The following NOX4 variants were observed in gnomAD, a reference collection of about 807,000 sequenced individuals.
NOX4 encodes NADPH oxidase 4, also known as kidney oxidase-1.
Under a neutral mutation model 87.6 loss-of-function variants are expected in NOX4, and 69 were observed. The ratio of observed to expected loss-of-function variants is 0.79; its 90% CI spans 0.65 to 0.96. NOX4 has a LOEUF of 0.96. Among genes scored for constraint, NOX4 ranks in the 40% least tolerant of loss-of-function variants. The pLI, the probability that NOX4 is intolerant of heterozygous loss-of-function variation, is 0.00. For missense variants in NOX4, 680 were observed against 681.5 expected (o/e 1.00, Z 0.02); for synonymous variants, 275 against 238.2 (o/e 1.15, Z -1.42).
intron 6 of NOX4, 45 bp from the exon 7 acceptor site, chr11:89,432,901 G>A (rs1314900784): frequency 3.1e-6 from 4 of 1,293,042 alleles, no homozygotes; most frequent in Non-Finnish European, 4.5e-6. Context: ...ATCATAGTGA[G>A]AAAAAAATAC....
At chr11:89,470,772 C>G (rs1945898442) in intron 2 of NOX4, among the ~76,000 whole-genome samples, 2 of 152,162 alleles carry the variant, frequency 1.3e-5, no homozygotes, top group Non-Finnish European at 1.5e-5. Context: ...ACAGGCCTAA[C>G]TGATGATACC....
chr11:89,430,528 G>A (rs576911394), intron 7 of NOX4, among the ~76,000 whole-genome samples: 4 of 152,176 alleles, frequency 2.6e-5, no homozygotes, highest in East Asian at 3.9e-4. Flanking sequence ...AAATCAATGT[G>A]CAAAAATCAC....
chr11:89,363,010 A>G lies in NOX4; in HGVS notation c.1136-7967T>C, dbSNP rs1007492010. Among the ~76,000 whole-genome samples the G allele has an allele frequency of 2.2e-4, 34 of 152,258 alleles. 1 individual carries two copies. The highest frequency in any genetic ancestry group is 3.3e-4 in the Admixed American group (5 of 15,274). On this transcript the variant is annotated intron_variant, in intron 12 of 17. Coordinates refer to ENST00000263317, the MANE Select transcript of NOX4 (RefSeq NM_016931.5). ...TCATGGGCTAAAGGTCTAGCAGAGAAGAGGTCTAAATAATGTGCTTCTTTC... is the reference window on the plus strand; with the variant it reads ...TCATGGGCTAAAGGTCTAGCAGAGAGGAGGTCTAAATAATGTGCTTCTTTC...
chr11:89,511,661 C>G, the NOX4 span, among the ~76,000 whole-genome samples: 1 of 151,958 alleles, frequency 6.6e-6, no homozygotes, highest in Non-Finnish European at 1.5e-5. Flanking sequence ...CAGATTTGGC[C>G]AACTCTTGAA....
At chr11:89,475,523 A>AT (rs1297049170) in intron 2 of NOX4, among the ~76,000 whole-genome samples, 1 of 152,032 alleles carries the variant, frequency 6.6e-6, no homozygotes, top group African/African-American at 2.4e-5. Context: ...CCTTGAAAAT[A>AT]TTTAATGGCT....
At chr11:89,574,843 T>C in the NOX4 span, among the ~76,000 whole-genome samples, 1 of 152,214 alleles carries the variant, frequency 6.6e-6, no homozygotes, top group African/African-American at 2.4e-5. Context: ...ATGGCTGTGT[T>C]TTAATAATTT....
chr11:89,445,298 C>T (rs1395591258), intron 4 of NOX4, among the ~76,000 whole-genome samples: 2 of 151,874 alleles, frequency 1.3e-5, no homozygotes, highest in African/African-American at 4.8e-5. Flanking sequence ...TTTCCCACAA[C>T]CCATAATGTA....
At chr11:89,537,463 T>C in the NOX4 span, among the ~76,000 whole-genome samples, 1 of 151,796 alleles carries the variant, frequency 6.6e-6, no homozygotes, top group Non-Finnish European at 1.5e-5. Flanking sequence ...CATATAGTTA[T>C]TATACAGTGC....
At chr11:89,492,904 A>G (rs868407504), upstream of NOX4, among the ~76,000 whole-genome samples, 1 of 152,194 alleles carries the variant, frequency 6.6e-6, no homozygotes, top group Non-Finnish European at 1.5e-5. Context: ...ATAAGAGACC[A>G]TTTTTAAAAG....
chr11:89,381,845 A>G (rs903795000), intron 11 of NOX4, among the ~76,000 whole-genome samples: 3 of 152,098 alleles, frequency 2.0e-5, no homozygotes, highest in African/African-American at 7.2e-5. Context: ...ACTCTTCTCC[A>G]GCCTCTCTCA....
chr11:89,488,898 G>T (rs185276597), intron 2 of NOX4: 1 of 652,542 alleles, frequency 1.5e-6, no homozygotes. Context: ...TTATTTATTT[G>T]TTGGTTTTTC....
intron 13 of NOX4, among the ~76,000 whole-genome samples, chr11:89,351,255 C>T (rs1470448010): frequency 6.6e-6 from 1 of 152,164 alleles, no homozygotes; most frequent in Non-Finnish European, 1.5e-5. Context: ...TCTTCTATTC[C>T]ATGAAGGCTG....
the NOX4 span, among the ~76,000 whole-genome samples, chr11:89,503,232 T>G: frequency 1.3e-5 from 2 of 151,930 alleles, no homozygotes; most frequent in Non-Finnish European, 2.9e-5. Context: ...CTGATATTAC[T>G]CCCAAATATC....
At chr11:89,546,657 C>A in the NOX4 span, 1 of 152,230 alleles carries the variant, frequency 6.6e-6, no homozygotes, top group Non-Finnish European at 1.5e-5. Context: ...GCTGGAAAAT[C>A]CAATGTCTAG....
chr11:89,519,608 G>A, the NOX4 span, among the ~76,000 whole-genome samples: 43 of 152,062 alleles, frequency 2.8e-4, no homozygotes, highest in African/African-American at 9.9e-4. Context: ...GGTATTCATC[G>A]GGTAAGAAGA....
rs899300877 is a variant in NOX4, at chr11:89,431,805, G to C, written c.548+979C>G. 5.3e-5 allele frequency among the ~76,000 whole-genome samples: 8 copies of C among 152,100 alleles called. 1 individual carries two copies. The highest frequency in any genetic ancestry group is 1.4e-4 in the African/African-American group (6 of 41,418). ...GAAGACAGTGTGGCGATTCCTCAGG[G>C]ATCTAGAACTAGAAATACCATTTGA... On this transcript the variant is annotated intron_variant, in intron 7 of 17. Coordinates refer to ENST00000263317, the MANE Select transcript of NOX4 (RefSeq NM_016931.5).
intron 7 of NOX4, among the ~76,000 whole-genome samples, chr11:89,426,701 G>A (rs1459953260): frequency 6.6e-6 from 1 of 152,262 alleles, no homozygotes; most frequent in Admixed American, 6.5e-5. Context: ...GCTGAAGCTT[G>A]AGTAGGTAAA....
chr11:89,457,947 G>C (rs1945280784), intron 2 of NOX4, among the ~76,000 whole-genome samples: 1 of 152,006 alleles, frequency 6.6e-6, no homozygotes, highest in African/African-American at 2.4e-5. Flanking sequence ...GTTCATAAAT[G>C]GGAAGAATCA....
the NOX4 span, chr11:89,548,462 C>T: frequency 2.0e-5 from 3 of 152,138 alleles, no homozygotes; most frequent in African/African-American, 7.2e-5. Flanking sequence ...GTCAATGATA[C>T]TTTGTTGTAG....
Sources: gnomAD v4.1 joint callset for allele counts (sites outside exome capture counted in the v4.1 genomes callset) on GRCh38, gnomAD v4.1.1 for gene constraint, MANE v1.5 for transcripts, NCBI Gene and HGNC (gene_info 2026-07-23, HGNC 2026-07-21) for gene names.